The following ZNF222 variants were observed in gnomAD, a reference collection of about 807,000 sequenced individuals.
ZNF222 encodes zinc finger protein 222.
A neutral mutation model predicts 11.6 loss-of-function variants in ZNF222; 8 were observed. That is an observed-to-expected ratio of 0.69 (90% CI 0.41 to 1.25). ZNF222 has a LOEUF of 1.25. Among genes scored for constraint, ZNF222 ranks in the 50% most tolerant of loss-of-function variants. ZNF222 has a pLI of 0.01. For missense variants in ZNF222, 483 were observed against 576.1 expected (o/e 0.84, Z 1.65); for synonymous variants, 171 against 195.6 (o/e 0.87, Z 1.05).
Position 44,031,887 on chromosome 19 carries a change from A to G in ZNF222, c.333A>G (p.Gln111=), listed in dbSNP as rs1976507727. 6.2e-7 allele frequency: 1 copy of G among 1,614,088 alleles called. No homozygotes were observed. The highest frequency in any genetic ancestry group is 8.5e-7 in the Non-Finnish European group (1 of 1,180,042). ...AGTHEEFSCK[Q]IWEQIASDLT... is the part of the protein sequence containing the mutation. ...CACATGAAGAATTTTCCTGCAAGCA[A>G]ATTTGGGAACAAATTGCAAGTGACT... Residue 111 remains glutamine (Q), a synonymous_variant, in exon 4 of 4, where the codon CAA becomes CAG. Transcript: ENST00000391960.
chr19:44,027,543 C>T, intron 3 of ZNF222, 53 bp downstream of exon 3: 1 of 1,547,886 alleles, frequency 6.5e-7, no homozygotes, highest in Non-Finnish European at 8.9e-7. Context: ...TACTTCTGTC[C>T]ATGCCCATTT....
Position 44,028,047 on chromosome 19 carries a change from A to G in ZNF222, c.262+557A>G, listed in dbSNP as rs142611554. ...CTTTCTGGATGTTCATGGGGAGAAGACTTCATTTTGGTTTACCAGTCTCTA... is the reference window on the plus strand; with the variant it reads ...CTTTCTGGATGTTCATGGGGAGAAGGCTTCATTTTGGTTTACCAGTCTCTA... On this transcript the variant is annotated intron_variant, in intron 3 of 3. Transcript: ENST00000391960. Among the ~76,000 whole-genome samples, 751 of 152,206 alleles carry G rather than the reference A, an allele frequency of 4.9e-3. 10 individuals are homozygous for G. The highest frequency in any genetic ancestry group is 0.017 in the African/African-American group (703 of 41,506).
intron 3 of ZNF222, 119 bp from the exon 4 acceptor site, chr19:44,031,698 G>A (rs1976502809): frequency 8.9e-7 from 1 of 1,121,970 alleles, no homozygotes; most frequent in Non-Finnish European, 1.3e-6. Flanking sequence ...GGCCAGGATG[G>A]TCTCAAACTC....
intron 1 of ZNF222, chr19:44,026,236 C>T: frequency 2.6e-6 from 2 of 758,686 alleles, no homozygotes; most frequent in Non-Finnish European, 4.4e-6. Context: ...AATACATGAT[C>T]TTCACAGTGG....
intron 3 of ZNF222, 57 bp downstream of exon 3, chr19:44,027,547 C>A: frequency 1.3e-6 from 2 of 1,534,092 alleles, no homozygotes; most frequent in East Asian, 2.3e-5. Context: ...TCTGTCCATG[C>A]CCATTTCCAG....
intron 3 of ZNF222, among the ~76,000 whole-genome samples, chr19:44,031,505 C>T (rs551656306): frequency 6.6e-5 from 10 of 152,176 alleles, no homozygotes; most frequent in East Asian, 3.9e-4. Flanking sequence ...TGTTTTGAGA[C>T]GGAGTCTCAC....
chr19:44,025,407 T>G lies in ZNF222; in HGVS notation c.-30T>G, dbSNP rs757548287. On this transcript the variant is annotated 5_prime_UTR_variant, in exon 1 of 4. Transcript: ENST00000391960. This position sits in a 1 kb window ranked among gnomAD's most constrained non-coding sequence, Gnocchi z 4.6. The stretch of plus-strand genomic sequence containing the variant: ...CATCTTGCGAGTCCTTCCGAACGAG[T>G]CTCCTTTCCTTGGGGCTCGCAACCA... 8.4e-6 allele frequency: 13 copies of G among 1,551,038 alleles called. No individual in the cohort carries two copies. In the South Asian group the frequency reaches 1.5e-4, roughly 18 times the overall value.
chr19:44,030,922 T>C (rs1447403918), intron 3 of ZNF222: 1 of 152,120 alleles, frequency 6.6e-6, no homozygotes, highest in African/African-American at 2.4e-5. Context: ...CCCTAAATAA[T>C]ATTGTTTCAC....
intron 1 of ZNF222, among the ~76,000 whole-genome samples, chr19:44,026,540 C>A (rs201405933): frequency 0.046 from 5,749 of 125,118 alleles, 162 homozygotes; most frequent in African/African-American, 0.099. Flanking sequence ...CTCTCTCTCT[C>A]TCTATATATA....
Position 44,031,881 on chromosome 19 carries a change from C to G in ZNF222, c.327C>G (p.Cys109Trp). The G allele has an allele frequency of 6.2e-6, 10 of 1,614,150 alleles. No individual in the cohort carries two copies. Among genetic ancestry groups the G allele is most frequent in the Non-Finnish European group, 8.5e-6 (10 of 1,180,022 alleles). The change falls in exon 4 of 4, where the codon TGC becomes TGG. Residue 109 changes from cysteine (C) to tryptophan (W), a missense_variant. Coordinates refer to ENST00000391960, the MANE Select transcript of ZNF222 (RefSeq NM_001129996.2). ...PEAGTHEEFS[C>W]KQIWEQIASD... is the part of the protein sequence containing the mutation. The stretch of plus-strand genomic sequence containing the variant: ...CAGGAACACATGAAGAATTTTCCTG[C>G]AAGCAAATTTGGGAACAAATTGCAA...
rs771808997 is a variant in ZNF222 at position 44,033,017 on chromosome 19, T to A, written c.1463T>A (p.Leu488Ter). The A allele has an allele frequency of 3.3e-6, 5 of 1,536,342 alleles. No individual in the cohort carries two copies. In the South Asian group the frequency reaches 3.9e-5, roughly 12 times the overall value. The change falls in exon 4 of 4, where the codon TTA (leucine) becomes TAA (stop). Residue 488 changes from leucine to a stop codon, truncating the protein, a stop_gained. Coordinates refer to ENST00000391960, the MANE Select transcript of ZNF222 (RefSeq NM_001129996.2). LOFTEE classifies it high-confidence loss of function. Reference sequence around the variant, plus strand: ...CTGGATATAATTTTATCATTATTTTTAAATGACATATAAGTTATACATATT... The same window carrying A: ...CTGGATATAATTTTATCATTATTTTAAAATGACATATAAGTTATACATATT... ...LNLDIILSLF[L>*]NDI
At chr19:44,026,123 G>C in intron 1 of ZNF222, 1 of 1,603,242 alleles carries the variant, frequency 6.2e-7, no homozygotes. Context: ...TGACAGAGAT[G>C]CTTACCTCAA....
Position 44,025,403 on chromosome 19 carries a change from C to T in ZNF222, c.-34C>T, listed in dbSNP as rs1406470649. ...TCCACATCTTGCGAGTCCTTCCGAA[C>T]GAGTCTCCTTTCCTTGGGGCTCGCA... On this transcript the variant is annotated 5_prime_UTR_variant, in exon 1 of 4. The change creates a new upstream start codon in the 5' untranslated region. Coordinates refer to ENST00000391960, the MANE Select transcript of ZNF222 (RefSeq NM_001129996.2). This position sits in a 1 kb window ranked among gnomAD's most constrained non-coding sequence, Gnocchi z 4.6. 6.4e-7 allele frequency: 1 copy of T among 1,550,902 alleles called. No homozygotes were observed. The highest frequency in any genetic ancestry group is 2.0e-5 in the Admixed American group (1 of 51,000).
chr19:44,026,995 T>G (rs369208793), intron 1 of ZNF222, 28 bp from the exon 2 acceptor site: 4 of 1,613,570 alleles, frequency 2.5e-6, no homozygotes, highest in South Asian at 1.1e-5. Flanking sequence ...GGCCGTAAGA[T>G]TGAGGTGACA....
Position 44,025,444 on chromosome 19 carries a change from A to C in ZNF222, c.8A>C (p.Asp3Ala). 2.6e-6 allele frequency: 4 copies of C among 1,551,448 alleles called. No homozygotes were observed. The highest frequency in any genetic ancestry group is 3.5e-6 in the Non-Finnish European group (4 of 1,146,888). Residue 3 changes from aspartate (D) to alanine (A), a missense_variant, in exon 1 of 4, where the codon GAT (aspartate) becomes GCT (alanine). Transcript: ENST00000391960. This position sits in a 1 kb window ranked among gnomAD's most constrained non-coding sequence, Gnocchi z 4.6. Reference sequence around the variant, plus strand: ...GGGGCTCGCAACCACCCAATGATCGATTCAGGAGAAAAGAAGCCTGGGCGG... The same window carrying C: ...GGGGCTCGCAACCACCCAATGATCGCTTCAGGAGAAAAGAAGCCTGGGCGG... MIDSGEKKPGRRA... is the reference protein window; with the variant it reads MIASGEKKPGRRA...
chr19:44,026,047 GCAGGAAGGGA>G, intron 1 of ZNF222: 14 of 1,613,488 alleles, frequency 8.7e-6, no homozygotes, highest in Admixed American at 1.7e-5. Flanking sequence ...TAAAAGAGCT[GCAGGAAGGGA>G]CTTCTTGGCT....
intron 2 of ZNF222, 93 bp from the exon 3 acceptor site, chr19:44,027,305 T>C: frequency 1.9e-6 from 3 of 1,560,626 alleles, no homozygotes; most frequent in Non-Finnish European, 2.6e-6. Flanking sequence ...GTTTTTGTCA[T>C]TGGAAGTAAT....
intron 1 of ZNF222, among the ~76,000 whole-genome samples, chr19:44,026,554 A>ATTTTTTTTTTTT (rs1329786054): frequency 7.7e-6 from 1 of 129,504 alleles, no homozygotes; most frequent in African/African-American, 3.6e-5. Flanking sequence ...ATATATATAT[A>ATTTTTTTTTTTT]TATTTTTTTT....
chr19:44,027,510 G>A lies in ZNF222; in HGVS notation c.262+20G>A, dbSNP rs770363030. 7 of 1,605,304 alleles carry A rather than the reference G, an allele frequency of 4.4e-6. No homozygotes were observed. Among genetic ancestry groups the A allele is most frequent in the Admixed American group, 3.3e-5 (2 of 59,860 alleles). ...ATTTGGGTAAGAACCAAGCAATTGT[G>A]TGTCCCTGCATGTGATTCCTGTTAC... On this transcript the variant is annotated intron_variant, in intron 3 of 3. Transcript: ENST00000391960.
Sources: gnomAD v4.1 joint callset for allele counts (sites outside exome capture counted in the v4.1 genomes callset) on GRCh38, gnomAD v4.1.1 for gene constraint, Gnocchi (gnomAD v3.1) non-coding constraint, MANE v1.5 for transcripts, NCBI Gene and HGNC (gene_info 2026-07-23, HGNC 2026-07-21) for gene names.